TDRD5: variants seen among roughly 807,000 people sequenced by gnomAD.
The protein encoded by TDRD5 is tudor domain-containing protein 5.
TDRD5 carries 41 observed loss-of-function variants against 120.6 expected under a neutral mutation model. That is an observed-to-expected ratio of 0.34 (90% CI 0.26 to 0.44). The LOEUF is 0.44. Ranked by LOEUF, TDRD5 falls within the 20% of genes least tolerant of loss-of-function variation. TDRD5 has a pLI of 1.00. For missense variants in TDRD5, 1,006 were observed against 1,221.2 expected, an observed-to-expected ratio of 0.82 and a Z score of 2.63; for synonymous variants, 430 against 433.7, an observed-to-expected ratio of 0.99 and a Z score of 0.11.
At chr1:179,678,509 C>T (rs1680255256) in intron 17 of TDRD5, among the ~76,000 whole-genome samples, 2 of 152,198 alleles carry the variant, frequency 1.3e-5, no homozygotes, top group Admixed American at 6.5e-5. Context: ...CTTTGTCCGT[C>T]CAGGCAGGAG....
intron 14 of TDRD5, among the ~76,000 whole-genome samples, chr1:179,660,344 C>T (rs755909823): frequency 1.3e-4 from 19 of 150,612 alleles, no homozygotes; most frequent in Non-Finnish European, 2.1e-4. Context: ...CTCAGCCTCC[C>T]GAGTAGCTGG....
intron 17 of TDRD5, among the ~76,000 whole-genome samples, chr1:179,683,739 A>G (rs191988275): frequency 5.3e-5 from 8 of 152,334 alleles, no homozygotes; most frequent in Admixed American, 3.3e-4. Context: ...GCAGTGGACT[A>G]TACTGTAAGG....
intron 17 of TDRD5, among the ~76,000 whole-genome samples, chr1:179,678,426 C>T (rs1438772076): frequency 1.3e-5 from 2 of 152,150 alleles, no homozygotes; most frequent in Admixed American, 1.3e-4. Context: ...TCTGTGGATC[C>T]TCTCAGCTTT....
chr1:179,638,328 A>G lies in TDRD5; in HGVS notation c.1521-1511A>G, dbSNP rs1447879731. ...AAGAAGGGTGTTGAGAAGAATAAGA[A>G]AGAGAAGGAGATGATGAAAACTGTT... On this transcript the variant is annotated intron_variant, in intron 9 of 17. Coordinates refer to ENST00000444136, the MANE Select transcript of TDRD5 (RefSeq NM_001199085.3). 2.4e-5 allele frequency among the ~76,000 whole-genome samples: 3 copies of G among 126,942 alleles called. 1 individual carries two copies. The highest frequency in any genetic ancestry group is 5.2e-5 in the Non-Finnish European group (3 of 57,448). 83.3% of individuals were successfully genotyped at this position (126,942 alleles called of 152,430 possible). A position where few individuals can be genotyped will look rare whatever the true frequency, so the allele number is the denominator to read the frequency against.
chr1:179,640,507 C>T, intron 11 of TDRD5, 62 bp downstream of exon 11: 1 of 1,474,670 alleles, frequency 6.8e-7, no homozygotes, highest in Non-Finnish European at 9.5e-7. Context: ...GTGCCAATAA[C>T]AGTTTCACAT....
intron 6 of TDRD5, among the ~76,000 whole-genome samples, chr1:179,625,613 G>A (rs144360909): frequency 1.2e-4 from 18 of 152,250 alleles, no homozygotes; most frequent in Admixed American, 2.6e-4. Context: ...ACAATTTCTT[G>A]TAAGTGTGTA....
At chr1:179,652,966 G>T (rs1678800071) in intron 13 of TDRD5, among the ~76,000 whole-genome samples, 1 of 152,104 alleles carries the variant, frequency 6.6e-6, no homozygotes, top group Non-Finnish European at 1.5e-5. Flanking sequence ...TGTTAGACTT[G>T]GGTCTTATCC....
chr1:179,627,892 C>T (rs1677213351), intron 6 of TDRD5, among the ~76,000 whole-genome samples: 1 of 152,130 alleles, frequency 6.6e-6, no homozygotes, highest in Non-Finnish European at 1.5e-5. Flanking sequence ...GGAAAGCATA[C>T]ATCTATAGAG....
chr1:179,675,575 G>A lies in TDRD5; in HGVS notation c.2860+6171G>A, dbSNP rs181363507. Among the ~76,000 whole-genome samples, 486 of 152,126 alleles carry A rather than the reference G, an allele frequency of 3.2e-3. 2 individuals carry two copies. Among genetic ancestry groups the A allele is most frequent in the African/African-American group, 0.011 (468 of 41,516 alleles). On this transcript the variant is annotated intron_variant, in intron 17 of 17. Transcript: ENST00000444136. ...ATTACAGGCGTGAGCCACCGCGCCCGGCCCTCAAAGAATTTTTAAATCCCC... is the reference window on the plus strand; with the variant it reads ...ATTACAGGCGTGAGCCACCGCGCCCAGCCCTCAAAGAATTTTTAAATCCCC...
intron 17 of TDRD5, among the ~76,000 whole-genome samples, chr1:179,681,267 G>C (rs1680405655): frequency 6.9e-6 from 1 of 145,804 alleles, no homozygotes; most frequent in Admixed American, 6.7e-5. Context: ...TTTTTGTACA[G>C]ACAAAATGTT....
chr1:179,672,705 A>C (rs1422758093), intron 17 of TDRD5, among the ~76,000 whole-genome samples: 2 of 151,930 alleles, frequency 1.3e-5, no homozygotes, highest in Non-Finnish European at 2.9e-5. Context: ...CCAATGTTAT[A>C]CTCTAGAATT....
intron 5 of TDRD5, 44 bp from the exon 6 acceptor site, chr1:179,620,991 G>A: frequency 7.1e-7 from 1 of 1,413,908 alleles, no homozygotes; most frequent in Non-Finnish European, 9.7e-7. Flanking sequence ...GTGTCACTCA[G>A]CATTTCAGTG....
chr1:179,638,227 A>G lies in TDRD5; in HGVS notation c.1521-1612A>G, dbSNP rs1283768179. On this transcript the variant is annotated intron_variant, in intron 9 of 17. Coordinates refer to ENST00000444136, the MANE Select transcript of TDRD5 (RefSeq NM_001199085.3). ...CATTGGAGTGAAGGGATGAAGATCT[A>G]TTAGTGGACTAGTCTTGATGAGAGT... 4.6e-5 allele frequency among the ~76,000 whole-genome samples: 6 copies of G among 131,288 alleles called. 2 individuals are homozygous for G. The highest frequency in any genetic ancestry group is 2.5e-4 in the Admixed American group (3 of 12,200). The allele number at this position is 131,288 out of a possible 152,430, so 86.1% of individuals were successfully genotyped here.
chr1:179,656,640 C>T lies in TDRD5; in HGVS notation c.2322+2278C>T, dbSNP rs537095137. On this transcript the variant is annotated intron_variant, in intron 14 of 17. Transcript: ENST00000444136. ...GAAGCCTTATCAAAAATCAATTGTC[C>T]ATATTTCTGTAAGTCTATTTCTAGA... Among the ~76,000 whole-genome samples the T allele has an allele frequency of 2.0e-5, 3 of 152,156 alleles. No individual in the cohort carries two copies. The South Asian group carries it at 6.2e-4, about 32-fold the overall frequency.
chr1:179,639,928 C>T lies in TDRD5; in HGVS notation c.1610C>T (p.Ser537Phe), dbSNP rs1441442260. 6.2e-7 allele frequency: 1 copy of T among 1,614,068 alleles called. No individual in the cohort carries two copies. The highest frequency in any genetic ancestry group is 1.3e-5 in the African/African-American group (1 of 75,008). ...GGACATCTCTGTTGTGTAAGGATTTCTGAGGATAAGTGGTGGTATCGGGTC... is the reference window on the plus strand; with the variant it reads ...GGACATCTCTGTTGTGTAAGGATTTTTGAGGATAAGTGGTGGTATCGGGTC... ...QPGHLCCVRI[S>F]EDKWWYRVII... The change falls in exon 10 of 18, where the codon TCT (serine) becomes TTT (phenylalanine). Residue 537 changes from serine to phenylalanine, a missense_variant. Transcript: ENST00000444136.
At chr1:179,602,993 T>G (rs983136578) in intron 4 of TDRD5, among the ~76,000 whole-genome samples, 4 of 152,224 alleles carry the variant, frequency 2.6e-5, no homozygotes, top group Admixed American at 2.0e-4. Context: ...ACAATATTGA[T>G]TCTATCCATC....
At position 179,639,904 on chromosome 1, in the gene TDRD5, G is replaced by C. The variant is rs143704808; in HGVS notation, c.1586G>C (p.Gly529Ala). The C allele has an allele frequency of 9.9e-6, 16 of 1,613,992 alleles. No individual in the cohort carries two copies. Among genetic ancestry groups the C allele is most frequent in the Non-Finnish European group, 8.5e-7 (1 of 1,180,016 alleles). ...YVMPECFIQP[G>A]HLCCVRISED... is the part of the protein sequence containing the mutation. ...ATGCCAGAATGTTTTATTCAGCCGG[G>C]ACATCTCTGTTGTGTAAGGATTTCT... The change falls in exon 10 of 18, where the codon GGA (glycine) becomes GCA (alanine). Residue 529 changes from glycine (G) to alanine (A), a missense_variant. Gly to Ala is a moderately conservative substitution (Grantham distance 60, BLOSUM62 0). Coordinates refer to ENST00000444136, the MANE Select transcript of TDRD5 (RefSeq NM_001199085.3).
intron 11 of TDRD5, among the ~76,000 whole-genome samples, chr1:179,650,316 G>A (rs1295770571): frequency 3.4e-5 from 5 of 148,916 alleles, no homozygotes; most frequent in Admixed American, 6.8e-5. Flanking sequence ...CAGGAGAATC[G>A]CTTGAACCTG....
At chr1:179,613,205 T>C (rs149692278) in intron 4 of TDRD5, among the ~76,000 whole-genome samples, 10 of 152,320 alleles carry the variant, frequency 6.6e-5, no homozygotes, top group Non-Finnish European at 1.2e-4. Context: ...TTATTTCACC[T>C]GATAACCTGA....
Sources: gnomAD v4.1 joint callset for allele counts (sites outside exome capture counted in the v4.1 genomes callset) on GRCh38, gnomAD v4.1.1 for gene constraint, MANE v1.5 for transcripts, NCBI Gene and HGNC (gene_info 2026-07-23, HGNC 2026-07-21) for gene names.